Variants in ADAM7 observed in about 807,000 individuals in gnomAD.
ADAM7 encodes the protein disintegrin and metalloproteinase domain-containing protein 7.
Under a neutral mutation model 102.9 loss-of-function variants are expected in ADAM7, and 97 were observed. The observed-to-expected ratio is 0.94, with a 90% confidence interval of 0.80 to 1.12. The LOEUF (loss-of-function observed/expected upper bound fraction) is 1.12, where lower values mean the gene tolerates loss of function less well. Ranked by LOEUF, ADAM7 falls within the 50% of genes most tolerant of loss-of-function variation. The pLI is 0.00. For synonymous variants in ADAM7, 334 were observed against 304.4 expected (o/e 1.10, Z -1.01); for missense variants, 991 against 908.7 (o/e 1.09, Z -1.16).
rs1820367965 is a variant in ADAM7 at position 24,491,815 on chromosome 8, G to C, written c.1357-88G>C. ...ATGATCCATCCTTAAAACCTTTTTTGGATGAATGGGTCAACTTTCTGTCTA... is the reference window on the plus strand; with the variant it reads ...ATGATCCATCCTTAAAACCTTTTTTCGATGAATGGGTCAACTTTCTGTCTA... On this transcript the variant is annotated intron_variant, in intron 13 of 21. Transcript: ENST00000175238. The C allele has an allele frequency of 2.2e-5, 25 of 1,124,394 alleles. No homozygotes were observed. In the South Asian group the frequency reaches 4.0e-4, roughly 18 times the overall value. The allele number at this position is 1,124,394 out of a possible 1,614,324, so 69.7% of individuals were successfully genotyped here. A position where few individuals can be genotyped will look rare whatever the true frequency, so the allele number is the denominator to read the frequency against.
At chr8:24,506,038 A>G in intron 20 of ADAM7, 1 of 1,286,180 alleles carries the variant, frequency 7.8e-7, no homozygotes, top group Non-Finnish European at 1.1e-6. Flanking sequence ...TGGGTCTTTC[A>G]GTATTGGTAT....
chr8:24,465,744 G>T lies in ADAM7; in HGVS notation c.358G>T (p.Ala120Ser), dbSNP rs765864524. The change falls in exon 5 of 22, where the codon GCT (alanine) becomes TCT (serine). Residue 120 changes from alanine to serine, a missense_variant. Coordinates refer to ENST00000175238, the MANE Select transcript of ADAM7 (RefSeq NM_003817.4). The part of the protein sequence containing the change: ...QGSIVHEYDS[A>S]ASISTCNGLR... ...ATCCATAGTACACGAATATGATTCA[G>T]CTGCCAGTATCAGTACGTGTAATGG... is the stretch of plus-strand genomic sequence containing the variant. The T allele has an allele frequency of 2.4e-5, 38 of 1,610,412 alleles. No homozygotes were observed. Among genetic ancestry groups the T allele is most frequent in the Non-Finnish European group, 3.1e-5 (36 of 1,178,380 alleles).
intron 7 of ADAM7, among the ~76,000 whole-genome samples, chr8:24,472,932 T>G (rs1266272243): frequency 2.0e-5 from 3 of 151,996 alleles, no homozygotes; most frequent in Non-Finnish European, 4.4e-5. Context: ...AAGTTACACT[T>G]TATTAAAAAT....
At chr8:24,500,331 T>A (rs1820714888) in intron 18 of ADAM7, 75 bp downstream of exon 18, 1 of 1,352,576 alleles carries the variant, frequency 7.4e-7, no homozygotes, top group South Asian at 1.2e-5. Flanking sequence ...ATTTTTCAAG[T>A]CTGCTACTTA....
chr8:24,443,577 A>G (rs1258835151), intron 2 of ADAM7, among the ~76,000 whole-genome samples: 4 of 152,176 alleles, frequency 2.6e-5, no homozygotes, highest in Admixed American at 1.3e-4. Context: ...TCTACCACCC[A>G]CTGTGCATAC....
chr8:24,450,341 A>G (rs1291123860), intron 3 of ADAM7, among the ~76,000 whole-genome samples: 1 of 152,124 alleles, frequency 6.6e-6, no homozygotes, highest in Non-Finnish European at 1.5e-5. Flanking sequence ...AATAGTTTGT[A>G]GTTCTCCTTG....
intron 21 of ADAM7, 93 bp from the exon 22 acceptor site, chr8:24,508,453 A>G: frequency 7.7e-7 from 1 of 1,292,432 alleles, no homozygotes; most frequent in Non-Finnish European, 1.1e-6. Flanking sequence ...CAGAAAGGTT[A>G]TTCTAATTAG....
At position 24,482,160 on chromosome 8, in the gene ADAM7, A is replaced by ATCC. The variant is rs1563387926; in HGVS notation, c.725_727dup (p.Ile242_His243insLeu). 1 of 1,586,304 alleles carries ATCC rather than the reference A, an allele frequency of 6.3e-7. No individual in the cohort carries two copies. Among genetic ancestry groups the ATCC allele is most frequent in the African/African-American group, 1.4e-5 (1 of 73,106 alleles). On this transcript the variant is annotated inframe_insertion, in exon 9 of 22. Coordinates refer to ENST00000175238, the MANE Select transcript of ADAM7 (RefSeq NM_003817.4). ...TGAACAGATTTATAAAACCTTAAAC[A>ATCC]TCCATGTGACGTTGGTTGGCATTGA...
At chr8:24,483,494 G>A (rs1328399492) in intron 9 of ADAM7, among the ~76,000 whole-genome samples, 1 of 152,182 alleles carries the variant, frequency 6.6e-6, no homozygotes, top group Non-Finnish European at 1.5e-5. Flanking sequence ...TTTAGACGTT[G>A]ACTTTCAGTC....
At chr8:24,446,672 C>G (rs4871916) in intron 2 of ADAM7, among the ~76,000 whole-genome samples, 127,337 of 151,770 alleles carry the variant, frequency 0.84, 53,758 homozygotes, top group Middle Eastern at 0.87. Flanking sequence ...TCATTGAGTG[C>G]AAAGTAGACG....
intron 20 of ADAM7, chr8:24,506,217 T>C (rs1820945722): frequency 7.7e-7 from 1 of 1,291,438 alleles, no homozygotes; most frequent in Non-Finnish European, 1.1e-6. Context: ...ATAATTTTCA[T>C]GAAACTTAAT....
chr8:24,497,390 A>T (rs1820596083), intron 16 of ADAM7, among the ~76,000 whole-genome samples: 1 of 152,200 alleles, frequency 6.6e-6, no homozygotes, highest in Non-Finnish European at 1.5e-5. Flanking sequence ...AAACCTATAT[A>T]AAAAAGTATA....
intron 11 of ADAM7, among the ~76,000 whole-genome samples, chr8:24,488,441 A>C (rs1389503640): frequency 6.6e-6 from 1 of 152,166 alleles, no homozygotes; most frequent in Non-Finnish European, 1.5e-5. Flanking sequence ...AAATGGAGTA[A>C]AGTGACTAAC....
Position 24,500,241 on chromosome 8 carries a change from A to G in ADAM7, c.1987A>G (p.Thr663Ala). 1 of 1,609,682 alleles carries G rather than the reference A, an allele frequency of 6.2e-7. No individual in the cohort carries two copies. Among genetic ancestry groups the G allele is most frequent in the Non-Finnish European group, 8.5e-7 (1 of 1,176,556 alleles). ...ACAGGCACCTGTAGCCTGTGAAGAA[A>G]CCTTACATGTTACCAGTGAGCATCC... The part of the protein sequence containing the change: ...EGQAPVACEE[T>A]LHVTNITILV... Residue 663 changes from threonine to alanine, a missense_variant, in exon 18 of 22, where the codon ACC (threonine) becomes GCC (alanine). By Grantham distance (58) the Thr-to-Ala change is moderately conservative (BLOSUM62 0). Coordinates refer to ENST00000175238, the MANE Select transcript of ADAM7 (RefSeq NM_003817.4).
At chr8:24,506,282 C>T (rs1236612143) in intron 20 of ADAM7, 11 of 739,090 alleles carry the variant, frequency 1.5e-5, no homozygotes, top group Non-Finnish European at 2.4e-5. Flanking sequence ...GCTCTCTGAT[C>T]GGAGGTAGAA....
intron 2 of ADAM7, among the ~76,000 whole-genome samples, chr8:24,442,822 T>TG (rs1818420954): frequency 2.1e-4 from 1 of 4,758 alleles, no homozygotes; most frequent in South Asian, 3.4e-3. Context: ...CACCAACAGC[T>TG]TTCAGGCTGA....
chr8:24,459,861 G>T (rs539242529), intron 3 of ADAM7, among the ~76,000 whole-genome samples: 1 of 151,924 alleles, frequency 6.6e-6, no homozygotes, highest in Admixed American at 6.6e-5. Flanking sequence ...CTTATTGAGT[G>T]TTTATTTTTC....
chr8:24,455,059 T>C (rs1384825796), intron 3 of ADAM7, among the ~76,000 whole-genome samples: 1 of 152,148 alleles, frequency 6.6e-6, no homozygotes, highest in Non-Finnish European at 1.5e-5. Flanking sequence ...ATTATATATT[T>C]TATATATGCT....
chr8:24,482,459 A>T, intron 9 of ADAM7, 148 bp downstream of exon 9: 1 of 792,082 alleles, frequency 1.3e-6, no homozygotes, highest in South Asian at 1.8e-5. Context: ...TACACAGAAA[A>T]TTTCCAAGCA....
Sources: allele counts gnomAD v4.1 joint callset (sites outside exome capture counted in the v4.1 genomes callset), GRCh38; gene constraint gnomAD v4.1.1; transcripts MANE v1.5; gene names NCBI Gene and HGNC (gene_info 2026-07-23, HGNC 2026-07-21).